NCKAP5: variants seen among roughly 807,000 people sequenced by gnomAD.
NCKAP5 encodes the protein nck-associated protein 5.
NCKAP5 carries 92 observed loss-of-function variants against 167.0 expected under a neutral mutation model. That is an observed-to-expected ratio of 0.55 (90% CI 0.47 to 0.66). The LOEUF (loss-of-function observed/expected upper bound fraction) is 0.66, where lower values mean the gene tolerates loss of function less well. Ranked by LOEUF, NCKAP5 falls within the 30% of genes least tolerant of loss-of-function variation. The pLI, the probability that NCKAP5 is intolerant of heterozygous loss-of-function variation, is 0.00. For synonymous variants in NCKAP5, 891 were observed against 877.4 expected, an observed-to-expected ratio of 1.02 and a Z score of -0.27; for missense variants, 2,378 against 2,315.0, an observed-to-expected ratio of 1.03 and a Z score of -0.56.
intron 19 of NCKAP5, among the ~76,000 whole-genome samples, chr2:132,679,893 G>A (rs1684977980): frequency 2.0e-5 from 3 of 152,164 alleles, no homozygotes; most frequent in Admixed American, 1.3e-4. Context: ...CAAAGTCTAT[G>A]TTAAGTGCTA....
intron 3 of NCKAP5, among the ~76,000 whole-genome samples, chr2:133,501,013 C>A (rs1453225658): frequency 6.6e-6 from 1 of 152,184 alleles, no homozygotes; most frequent in Non-Finnish European, 1.5e-5. Context: ...CCCTGCAGGA[C>A]CTCATCCTGT....
chr2:133,277,672 CT>C (rs1462413357), intron 4 of NCKAP5, among the ~76,000 whole-genome samples: 1 of 152,074 alleles, frequency 6.6e-6, no homozygotes, highest in African/African-American at 2.4e-5. Context: ...TGTGAAGAAA[CT>C]TCCAAGAAAA....
chr2:133,656,572 C>G, the NCKAP5 span, among the ~76,000 whole-genome samples: 2 of 152,296 alleles, frequency 1.3e-5, no homozygotes. Flanking sequence ...AACCCCTCTC[C>G]TCCTGTCCCC....
intron 8 of NCKAP5, among the ~76,000 whole-genome samples, chr2:132,958,245 GTTA>G (rs2076400459): frequency 6.6e-6 from 1 of 152,028 alleles, no homozygotes; most frequent in African/African-American, 2.4e-5. Flanking sequence ...TGCCAACATG[GTTA>G]TTATTATTCC....
chr2:132,713,201 G>A (rs781270738), intron 19 of NCKAP5, among the ~76,000 whole-genome samples: 1 of 152,122 alleles, frequency 6.6e-6, no homozygotes, highest in South Asian at 2.1e-4. Context: ...TAGGGACACA[G>A]AGATGGAGGA....
At chr2:133,656,276 A>AAAC in the NCKAP5 span, among the ~76,000 whole-genome samples, 15 of 120,158 alleles carry the variant, frequency 1.2e-4, no homozygotes, top group East Asian at 9.1e-4. Context: ...AACAAACAAA[A>AAAC]AAAAAAAAAA....
intron 6 of NCKAP5, among the ~76,000 whole-genome samples, chr2:133,051,868 T>C (rs961698719): frequency 1.3e-5 from 2 of 152,326 alleles, no homozygotes; most frequent in South Asian, 2.1e-4. Context: ...AGATAACTTA[T>C]TGATCTGATT....
intron 5 of NCKAP5, among the ~76,000 whole-genome samples, chr2:133,171,018 C>T (rs1485192566): frequency 6.6e-6 from 1 of 152,124 alleles, no homozygotes; most frequent in Non-Finnish European, 1.5e-5. Flanking sequence ...ACTGGCGATA[C>T]TGACAATTTT....
At chr2:133,515,753 C>T (rs943149995) in intron 3 of NCKAP5, among the ~76,000 whole-genome samples, 14 of 152,162 alleles carry the variant, frequency 9.2e-5, no homozygotes, top group Admixed American at 5.2e-4. Flanking sequence ...TCCCTTTTTC[C>T]GATCTGCAAG....
In NCKAP5 at chr2:133,103,254, T is replaced by C. The variant is rs765753363; in HGVS notation, c.341+26724A>G. 3.9e-4 allele frequency among the ~76,000 whole-genome samples: 59 copies of C among 152,238 alleles called. 1 individual carries two copies. The highest frequency in any genetic ancestry group is 3.3e-3 in the Admixed American group (51 of 15,286). On this transcript the variant is annotated intron_variant, in intron 6 of 19. Coordinates refer to ENST00000409261, the MANE Select transcript of NCKAP5 (RefSeq NM_207363.3). ...GACTATTTTTCTTTACAGTTACTTT[T>C]TGAATACTATTTCCTAAAAGCTGTG...
intron 6 of NCKAP5, among the ~76,000 whole-genome samples, chr2:133,083,200 T>G (rs867994696): frequency 1.6e-4 from 25 of 152,292 alleles, no homozygotes; most frequent in Non-Finnish European, 2.4e-4. Context: ...TTTCTTCTTA[T>G]GGCCACTTGC....
At chr2:133,312,400 C>T (rs1346443902) in intron 3 of NCKAP5, among the ~76,000 whole-genome samples, 2 of 152,220 alleles carry the variant, frequency 1.3e-5, no homozygotes, top group Admixed American at 1.3e-4. Flanking sequence ...AATCCCCCAT[C>T]TCTCTCCAGC....
chr2:133,447,051 G>T (rs1056700011), intron 3 of NCKAP5, among the ~76,000 whole-genome samples: 19 of 152,164 alleles, frequency 1.2e-4, no homozygotes, highest in African/African-American at 4.6e-4. Flanking sequence ...TGGTAAAGCT[G>T]AACTAGTGAC....
intron 4 of NCKAP5, among the ~76,000 whole-genome samples, chr2:133,258,898 T>C (rs889331403): frequency 1.3e-5 from 2 of 152,178 alleles, no homozygotes; most frequent in African/African-American, 4.8e-5. Context: ...TTTTCAACCA[T>C]GGGGACTTCT....
intron 3 of NCKAP5, among the ~76,000 whole-genome samples, chr2:133,481,673 G>C (rs1680451103): frequency 6.6e-6 from 1 of 152,138 alleles, no homozygotes; most frequent in Non-Finnish European, 1.5e-5. Context: ...TTATAAGTGA[G>C]AACATGCGGT....
chr2:133,094,512 A>G (rs1346925138), intron 6 of NCKAP5, among the ~76,000 whole-genome samples: 1 of 152,140 alleles, frequency 6.6e-6, no homozygotes, highest in Non-Finnish European at 1.5e-5. Flanking sequence ...CATTGCAGGT[A>G]TCTTTCCATG....
chr2:133,663,139 G>T, the NCKAP5 span, among the ~76,000 whole-genome samples: 4 of 152,194 alleles, frequency 2.6e-5, no homozygotes, highest in East Asian at 7.7e-4. Flanking sequence ...GGTGGCGGGC[G>T]CCTGTAGTCC....
chr2:132,738,773 G>C (rs1259268904), intron 16 of NCKAP5, among the ~76,000 whole-genome samples: 3 of 152,144 alleles, frequency 2.0e-5, no homozygotes, highest in Non-Finnish European at 2.9e-5. Flanking sequence ...TGGAAGGCAA[G>C]GGGGGCTGGT....
At chr2:133,379,010 G>A (rs1686340618) in intron 3 of NCKAP5, among the ~76,000 whole-genome samples, 1 of 152,142 alleles carries the variant, frequency 6.6e-6, no homozygotes, top group Non-Finnish European at 1.5e-5. Context: ...AAATCCTGGT[G>A]CTCTCAATAT....
Sources: gnomAD v4.1 joint callset for allele counts (sites outside exome capture counted in the v4.1 genomes callset) on GRCh38, gnomAD v4.1.1 for gene constraint, MANE v1.5 for transcripts, NCBI Gene and HGNC (gene_info 2026-07-23, HGNC 2026-07-21) for gene names.